SHC4: variants seen among roughly 807,000 people sequenced by gnomAD.
SHC4 encodes the protein SHC-transforming protein 4.
Under a neutral mutation model 69.4 loss-of-function variants are expected in SHC4, and 41 were observed. That is an observed-to-expected ratio of 0.59 (90% CI 0.46 to 0.77). The LOEUF (loss-of-function observed/expected upper bound fraction) is 0.77, where lower values mean the gene tolerates loss of function less well. SHC4 is among the 30% of genes least tolerant of loss of function. SHC4 has a pLI of 0.00. For missense variants in SHC4, 777 were observed against 783.8 expected, an observed-to-expected ratio of 0.99 and a Z score of 0.10; for synonymous variants, 318 against 299.3, an observed-to-expected ratio of 1.06 and a Z score of -0.64.
intron 2 of SHC4, among the ~76,000 whole-genome samples, chr15:48,921,701 T>A (rs977183159): frequency 6.6e-6 from 1 of 152,158 alleles, no homozygotes; most frequent in African/African-American, 2.4e-5. Flanking sequence ...GATGAAAAAG[T>A]TCTGCAGATG....
In SHC4 at chr15:48,924,962, GAAA is replaced by G; in HGVS notation, c.586-16_586-14del. ...CACAGCCCATGTACTACAATAAGAA[GAAA>G]AAAAAGAAGAAGTAGGACAAAAATT... On this transcript the variant is annotated splice_polypyrimidine_tract_variant and intron_variant, in intron 1 of 11. Transcript: ENST00000332408. The G allele has an allele frequency of 6.2e-7, 1 of 1,611,534 alleles. No individual in the cohort carries two copies. Among genetic ancestry groups the G allele is most frequent in the Non-Finnish European group, 8.5e-7 (1 of 1,179,138 alleles).
chr15:48,870,677 CAA>C (rs536015484), intron 5 of SHC4, among the ~76,000 whole-genome samples: 6 of 124,506 alleles, frequency 4.8e-5, no homozygotes, highest in Admixed American at 8.4e-5. Context: ...GACGCCGTCT[CAA>C]AAAAAAAAAA....
intron 11 of SHC4, among the ~76,000 whole-genome samples, chr15:48,829,872 T>C (rs1420388936): frequency 6.6e-6 from 1 of 152,208 alleles, no homozygotes; most frequent in Non-Finnish European, 1.5e-5. Flanking sequence ...TGAGCTGAGA[T>C]TGTGCCACTG....
chr15:48,883,292 A>G (rs1216667106), intron 4 of SHC4, among the ~76,000 whole-genome samples: 2 of 152,186 alleles, frequency 1.3e-5, no homozygotes, highest in Non-Finnish European at 2.9e-5. Context: ...CCATCCTCTC[A>G]GAAACCTTAT....
intron 1 of SHC4, among the ~76,000 whole-genome samples, chr15:48,953,079 T>C (rs974707977): frequency 6.6e-6 from 1 of 152,194 alleles, no homozygotes; most frequent in Non-Finnish European, 1.5e-5. Flanking sequence ...TGGAATACTA[T>C]GCAGCCATAA....
In SHC4 at chr15:48,834,960, G is replaced by T. The variant is rs779463637; in HGVS notation, c.1546C>A (p.His516Asn). The change falls in exon 11 of 12, where the codon CAC becomes AAC. Residue 516 changes from histidine to asparagine, a missense_variant. Physicochemically the swap from His to Asn is moderately conservative, Grantham distance 68 (BLOSUM62 1). Transcript: ENST00000332408. ...AQPASSHSLP[H>N]IKQQLWSEEC... ...TCGCTCCACAGCTGCTGCTTAATGT[G>T]TGGCAAAGAATGTGAGCTGGCAGGC... 2 of 1,613,322 alleles carry T rather than the reference G, an allele frequency of 1.2e-6. No individual in the cohort carries two copies. Among genetic ancestry groups the T allele is most frequent in the Admixed American group, 1.7e-5 (1 of 59,914 alleles).
intron 4 of SHC4, chr15:48,878,570 G>T: frequency 6.2e-7 from 1 of 1,614,050 alleles, no homozygotes; most frequent in East Asian, 2.2e-5. Flanking sequence ...TGAAGAAGCC[G>T]ACAAGATGTT....
At chr15:48,842,470 A>G (rs1899009257) in intron 10 of SHC4, among the ~76,000 whole-genome samples, 1 of 152,262 alleles carries the variant, frequency 6.6e-6, no homozygotes, top group Non-Finnish European at 1.5e-5. Context: ...TTCAAAATCA[A>G]CATTTCTAAA....
chr15:48,913,464 A>T (rs1900550114), intron 2 of SHC4, among the ~76,000 whole-genome samples: 1 of 152,116 alleles, frequency 6.6e-6, no homozygotes, highest in Non-Finnish European at 1.5e-5. Context: ...AATAGCCCCC[A>T]GTCCATTTCT....
intron 2 of SHC4, among the ~76,000 whole-genome samples, chr15:48,911,465 A>T (rs142018245): frequency 1.1e-3 from 166 of 152,272 alleles, no homozygotes; most frequent in Middle Eastern, 0.01. Context: ...CTTACATGTT[A>T]GGTGAGTCTC....
intron 1 of SHC4, among the ~76,000 whole-genome samples, chr15:48,931,696 A>C (rs1900968388): frequency 6.6e-6 from 1 of 152,070 alleles, no homozygotes; most frequent in Admixed American, 6.6e-5. Context: ...TCATGGGCAA[A>C]GCATATGAAT....
chr15:48,854,656 T>C (rs1459840983), intron 8 of SHC4, among the ~76,000 whole-genome samples: 2 of 152,220 alleles, frequency 1.3e-5, no homozygotes, highest in Non-Finnish European at 2.9e-5. Context: ...AATAAAATCA[T>C]GTCCTTTGCA....
chr15:48,894,231 A>G (rs531782848), intron 2 of SHC4, among the ~76,000 whole-genome samples: 1 of 152,326 alleles, frequency 6.6e-6, no homozygotes, highest in South Asian at 2.1e-4. Context: ...CAATAGTAAT[A>G]TAGAAAGAGC....
rs1277497512 is a variant in SHC4, at chr15:48,825,166, TTTTTTGTTTTTTGTC to T, written c.*790_*804del. On this transcript the variant is annotated 3_prime_UTR_variant, in exon 12 of 12. Coordinates refer to ENST00000332408, the MANE Select transcript of SHC4 (RefSeq NM_203349.4). ...CATGAGGTTTTTTTTGTTTTTTTTG[TTTTTTGTTTTTTGTC>T]TTTTTAGCAGGAAGAGGGGGAGAAT... 7 of 152,136 alleles carry T rather than the reference TTTTTTGTTTTTTGTC, an allele frequency of 4.6e-5. No individual in the cohort carries two copies. In the South Asian group the frequency reaches 1.5e-3, roughly 32 times the overall value. The allele number at this position is 152,136 out of a possible 1,614,324, so 9.4% of individuals were successfully genotyped here. A position where few individuals can be genotyped will look rare whatever the true frequency, so the allele number is the denominator to read the frequency against.
chr15:48,840,186 T>C (rs1046785137), intron 10 of SHC4, among the ~76,000 whole-genome samples: 2 of 152,222 alleles, frequency 1.3e-5, no homozygotes, highest in African/African-American at 4.8e-5. Flanking sequence ...CACTAATCTT[T>C]GAGCTTTTAG....
At position 48,845,395 on chromosome 15, in the gene SHC4, G is replaced by A. The variant is rs112635206; in HGVS notation, c.1304-1807C>T. Among the ~76,000 whole-genome samples, 229 of 152,262 alleles carry A rather than the reference G, an allele frequency of 1.5e-3. 1 individual carries two copies. The highest frequency in any genetic ancestry group is 5.1e-3 in the African/African-American group (213 of 41,552). On this transcript the variant is annotated intron_variant, in intron 9 of 11. Transcript: ENST00000332408. Reference sequence around the variant, plus strand: ...CTGTATGTGGGGTATCCTAAAACACGAGTGAGGTTTCTACAGAGGGAGGAG... The same window carrying A: ...CTGTATGTGGGGTATCCTAAAACACAAGTGAGGTTTCTACAGAGGGAGGAG...
chr15:48,859,459 TCCGGTTTTGAAA>T (rs1452760529), intron 6 of SHC4, among the ~76,000 whole-genome samples: 1 of 152,132 alleles, frequency 6.6e-6, no homozygotes, highest in Non-Finnish European at 1.5e-5. Context: ...AGGAGCTAAT[TCCGGTTTTGAAA>T]CCCAGTTAAG....
intron 1 of SHC4, among the ~76,000 whole-genome samples, chr15:48,945,028 A>G (rs1182007969): frequency 2.0e-5 from 3 of 152,224 alleles, no homozygotes; most frequent in Non-Finnish European, 4.4e-5. Context: ...TTTTTCTCTT[A>G]GGAGAGCAAC....
intron 11 of SHC4, among the ~76,000 whole-genome samples, chr15:48,832,221 G>A (rs1283274996): frequency 2.0e-5 from 3 of 152,142 alleles, no homozygotes; most frequent in Non-Finnish European, 4.4e-5. Flanking sequence ...GCAGTGAACC[G>A]AGATGGTGCC....
Sources: allele counts gnomAD v4.1 joint callset (sites outside exome capture counted in the v4.1 genomes callset), GRCh38; gene constraint gnomAD v4.1.1; transcripts MANE v1.5; gene names NCBI Gene and HGNC (gene_info 2026-07-23, HGNC 2026-07-21).